LRRIQ1: variants seen among roughly 807,000 people sequenced by gnomAD.
LRRIQ1 encodes leucine-rich repeat- and IQ domain-containing protein 1.
LRRIQ1 carries 210 observed loss-of-function variants against 211.9 expected under a neutral mutation model. That is an observed-to-expected ratio of 0.99 (90% CI 0.89 to 1.11). The LOEUF is 1.11. Ranked by LOEUF, LRRIQ1 falls within the 50% of genes most tolerant of loss-of-function variation. The pLI, the probability that LRRIQ1 is intolerant of heterozygous loss-of-function variation, is 0.00. For missense variants in LRRIQ1, 2,136 were observed against 1,939.5 expected (o/e 1.10, Z -1.90); for synonymous variants, 699 against 650.1 (o/e 1.08, Z -1.14).
chr12:85,156,518 T>C (rs982645241), intron 23 of LRRIQ1, among the ~76,000 whole-genome samples: 1 of 151,580 alleles, frequency 6.6e-6, no homozygotes, highest in Admixed American at 6.6e-5. Context: ...TCTTATAGAA[T>C]AAAAAATGTT....
At chr12:85,038,756 GA>G (rs976616906) in intron 2 of LRRIQ1, among the ~76,000 whole-genome samples, 2 of 151,424 alleles carry the variant, frequency 1.3e-5, no homozygotes, top group Non-Finnish European at 3.0e-5. Context: ...GAACTAATTT[GA>G]AAATCTCCTG....
intron 4 of LRRIQ1, 114 bp from the exon 5 acceptor site, chr12:85,045,906 G>T: frequency 2.0e-6 from 1 of 491,924 alleles, no homozygotes; most frequent in Non-Finnish European, 3.6e-6. Flanking sequence ...GAGATATCTG[G>T]AGTACATTAA....
intron 18 of LRRIQ1, among the ~76,000 whole-genome samples, chr12:85,129,146 T>G (rs1888582038): frequency 1.3e-5 from 2 of 152,316 alleles, no homozygotes; most frequent in South Asian, 4.1e-4. Flanking sequence ...CAAGACCAGA[T>G]TTTAAAACGA....
exon 2 of LRRIQ1, chr12:85,262,964 A>G: frequency 1.0e-6 from 1 of 987,292 alleles, no homozygotes. Context: ...CAAATACAAG[A>G]CCTTCTAAAA....
chr12:85,079,827 A>G (rs964753941), intron 11 of LRRIQ1, among the ~76,000 whole-genome samples: 2 of 151,868 alleles, frequency 1.3e-5, no homozygotes, highest in African/African-American at 2.4e-5. Flanking sequence ...TTTTCCTCTT[A>G]TATTTACCAG....
At chr12:85,051,394 G>T (rs1438359985) in intron 6 of LRRIQ1, among the ~76,000 whole-genome samples, 1 of 152,072 alleles carries the variant, frequency 6.6e-6, no homozygotes, top group Non-Finnish European at 1.5e-5. Context: ...AATATAATTT[G>T]CTCACTGATC....
chr12:85,135,622 A>T (rs911346094), intron 18 of LRRIQ1, among the ~76,000 whole-genome samples: 4 of 128,890 alleles, frequency 3.1e-5, no homozygotes, highest in African/African-American at 1.2e-4. Context: ...TTTTAGATTA[A>T]TGAGGTCTCC....
intron 1 of LRRIQ1, among the ~76,000 whole-genome samples, 197 bp downstream of exon 1, chr12:85,036,604 TAA>T (rs756386559): frequency 6.6e-6 from 1 of 152,052 alleles, no homozygotes; most frequent in Non-Finnish European, 1.5e-5. Context: ...ATTCAAAACT[TAA>T]AGAGATGTCT....
chr12:85,180,241 TTAATCATTA>T (rs566587689), intron 24 of LRRIQ1, among the ~76,000 whole-genome samples: 156 of 152,026 alleles, frequency 1.0e-3, no homozygotes, highest in Non-Finnish European at 1.7e-3. Context: ...CCTGAAAAAC[TTAATCATTA>T]TAACCATTGT....
rs758701906 is a variant in LRRIQ1, at chr12:85,098,585, C to T, written c.3081+37C>T. The stretch of plus-strand genomic sequence containing the variant: ...GAATTAATTGATTTCTGTGATAAAG[C>T]AACACTTTTCTTTTGATAGAAATAC... On this transcript the variant is annotated intron_variant, in intron 12 of 26. Coordinates refer to ENST00000393217, the MANE Select transcript of LRRIQ1 (RefSeq NM_001079910.2). The T allele has an allele frequency of 9.4e-6, 14 of 1,489,842 alleles. No individual in the cohort carries two copies. The South Asian group carries it at 1.1e-4, about 12-fold the overall frequency. The allele number at this position is 1,489,842 out of a possible 1,614,324, so 92.3% of individuals were successfully genotyped here. A position where few individuals can be genotyped will look rare whatever the true frequency, so the allele number is the denominator to read the frequency against.
intron 11 of LRRIQ1, among the ~76,000 whole-genome samples, chr12:85,076,944 A>G (rs1178663178): frequency 6.6e-6 from 1 of 152,158 alleles, no homozygotes; most frequent in Non-Finnish European, 1.5e-5. Context: ...CATCTAACTC[A>G]TGGCAGAGGT....
intron 24 of LRRIQ1, among the ~76,000 whole-genome samples, chr12:85,218,336 G>C (rs1453115702): frequency 2.0e-5 from 3 of 151,924 alleles, no homozygotes; most frequent in Non-Finnish European, 4.4e-5. Flanking sequence ...TGAATTTAGA[G>C]TAAGTCTTGG....
At chr12:85,262,959 A>G (rs1896339009) in exon 2 of LRRIQ1, 1 of 987,182 alleles carries the variant, frequency 1.0e-6, no homozygotes, top group Non-Finnish European at 1.2e-6. Flanking sequence ...AATAACAAAT[A>G]CAAGACCTTC....
chr12:85,223,228 G>A (rs1894483906), intron 24 of LRRIQ1, among the ~76,000 whole-genome samples: 1 of 152,090 alleles, frequency 6.6e-6, no homozygotes, highest in South Asian at 2.1e-4. Context: ...CAATCAGGTT[G>A]ACTGTTGTCA....
At chr12:85,053,864 C>A (rs948689362) in intron 7 of LRRIQ1, among the ~76,000 whole-genome samples, 1 of 152,132 alleles carries the variant, frequency 6.6e-6, no homozygotes, top group African/African-American at 2.4e-5. Context: ...CCCGCCACTG[C>A]GCCCAGCTAA....
At chr12:85,165,537 A>G (rs984755742) in intron 24 of LRRIQ1, among the ~76,000 whole-genome samples, 1 of 136,206 alleles carries the variant, frequency 7.3e-6, no homozygotes, top group African/African-American at 2.8e-5. Context: ...CAGTGACACT[A>G]TCTCTTCTCA....
chr12:85,199,074 C>T (rs535800889), intron 24 of LRRIQ1, among the ~76,000 whole-genome samples: 11 of 152,032 alleles, frequency 7.2e-5, no homozygotes, highest in Non-Finnish European at 1.0e-4. Context: ...CTGTTTACTC[C>T]GTTGATAGTT....
At chr12:85,167,423 G>A (rs1273875755) in intron 24 of LRRIQ1, among the ~76,000 whole-genome samples, 2 of 152,196 alleles carry the variant, frequency 1.3e-5, no homozygotes, top group African/African-American at 2.4e-5. Flanking sequence ...GAAGCCAACA[G>A]TGCAGTCTTC....
In LRRIQ1 at chr12:85,164,623, C is replaced by T. The variant is rs114227065; in HGVS notation, c.4822+3909C>T. Reference sequence around the variant, plus strand: ...AGTACTGTGCTGAGAGTTTTACTTACGTTCTCTGATTCAGTGCTTTCAGAA... The same window carrying T: ...AGTACTGTGCTGAGAGTTTTACTTATGTTCTCTGATTCAGTGCTTTCAGAA... On this transcript the variant is annotated intron_variant, in intron 24 of 26. Coordinates refer to ENST00000393217, the MANE Select transcript of LRRIQ1 (RefSeq NM_001079910.2). 2.5e-3 allele frequency among the ~76,000 whole-genome samples: 387 copies of T among 152,178 alleles called. 2 individuals carry two copies. Among genetic ancestry groups the T allele is most frequent in the African/African-American group, 8.2e-3 (340 of 41,528 alleles).
Sources: gnomAD v4.1 joint callset for allele counts (sites outside exome capture counted in the v4.1 genomes callset) on GRCh38, gnomAD v4.1.1 for gene constraint, MANE v1.5 for transcripts, NCBI Gene and HGNC (gene_info 2026-07-23, HGNC 2026-07-21) for gene names.